EPHB4: variants seen among roughly 807,000 people sequenced by gnomAD.
EPHB4 encodes the protein EPH receptor B4, also known as ephrin type-B receptor 4.
EPHB4 carries 50 observed loss-of-function variants against 110.6 expected under a neutral mutation model. That is an observed-to-expected ratio of 0.45 (90% CI 0.36 to 0.57). EPHB4 has a LOEUF of 0.57. Ranked by LOEUF, EPHB4 falls within the 20% of genes least tolerant of loss-of-function variation. The pLI is 0.00. For missense variants in EPHB4, 1,128 were observed against 1,382.1 expected (o/e 0.82, Z 2.91); for synonymous variants, 592 against 578.4 (o/e 1.02, Z -0.34).
Position 100,823,896 on chromosome 7 carries a change from G to A in EPHB4, c.159C>T (p.His53=). The change falls in exon 3 of 17, where the codon CAC becomes CAT. Residue 53 remains histidine (H), a synonymous_variant. Coordinates refer to ENST00000358173, the MANE Select transcript of EPHB4 (RefSeq NM_004444.5). ...EELSGLDEEQ[H]SVRTYEVCDV... ...CACACACTTCGTAGGTGCGCACGCT[G>A]TGCTGTTCCTCATCCAGGCCGCTCA... The A allele has an allele frequency of 1.9e-6, 3 of 1,603,916 alleles. No homozygotes were observed. The highest frequency in any genetic ancestry group is 2.6e-6 in the Non-Finnish European group (3 of 1,175,352).
chr7:100,813,602 C>T, intron 10 of EPHB4, 50 bp downstream of exon 10: 2 of 1,602,918 alleles, frequency 1.2e-6, no homozygotes, highest in East Asian at 4.5e-5. Flanking sequence ...AGATAGGAGC[C>T]ACCACACCCG....
intron 8 of EPHB4, among the ~76,000 whole-genome samples, chr7:100,816,148 A>G (rs1165230716): frequency 6.6e-6 from 1 of 151,100 alleles, no homozygotes; most frequent in African/African-American, 2.4e-5. Flanking sequence ...CCTGGGCAAC[A>G]GAGTGAGACT....
intron 4 of EPHB4, chr7:100,821,334 A>T (rs1813225633): frequency 6.6e-6 from 1 of 151,834 alleles, no homozygotes; most frequent in Admixed American, 6.6e-5. Flanking sequence ...ATAATTATCT[A>T]AAAAGTTTTT....
chr7:100,807,343 C>G, intron 13 of EPHB4, 22 bp downstream of exon 13: 1 of 1,611,252 alleles, frequency 6.2e-7, no homozygotes, highest in Non-Finnish European at 8.5e-7. Flanking sequence ...AAGCTCACAC[C>G]CAGTATTACC....
At chr7:100,815,713 G>T (rs754416905) in intron 8 of EPHB4, among the ~76,000 whole-genome samples, 3 of 152,002 alleles carry the variant, frequency 2.0e-5, no homozygotes, top group Non-Finnish European at 2.9e-5. Context: ...AATGCTGGGT[G>T]TGGCGGCTCA....
Position 100,827,401 on chromosome 7 carries a change from C to CCGAG in EPHB4, c.-375_-372dup, listed in dbSNP as rs978958008. 11 of 150,590 alleles carry CCGAG rather than the reference C, an allele frequency of 7.3e-5. No homozygotes were observed. The highest frequency in any genetic ancestry group is 5.9e-4 in the Admixed American group (9 of 15,150). 9.3% of individuals were successfully genotyped at this position (150,590 alleles called of 1,614,324 possible). A position where few individuals can be genotyped will look rare whatever the true frequency, so the allele number is the denominator to read the frequency against. On this transcript the variant is annotated 5_prime_UTR_variant, in exon 1 of 17. Transcript: ENST00000358173. ...GAGTGGCTCTGCTCGCGCCGCCGGG[C>CCGAG]CGAGTGCTCTCCTCGCGGGCGGGGA...
chr7:100,810,335 A>G (rs993339091), intron 12 of EPHB4, among the ~76,000 whole-genome samples: 3 of 152,204 alleles, frequency 2.0e-5, no homozygotes, highest in Non-Finnish European at 4.4e-5. Flanking sequence ...AAATGATCCC[A>G]TAAGAAGAAT....
rs1340351853 is a variant in EPHB4, at chr7:100,813,181, G to A, written c.1784C>T (p.Thr595Ile). The change falls in exon 11 of 17, where the codon ACT (threonine) becomes ATT (isoleucine). Residue 595 changes from threonine to isoleucine, a missense_variant. Physicochemically the swap from Thr to Ile is moderately conservative, Grantham distance 89 (BLOSUM62 -1). Around this residue, in one of 3 missense-constraint regions of EPHB4, gnomAD observed 191 missense variants for 313.0 expected, o/e 0.61. Transcript: ENST00000358173. ...HGTKVYIDPFTYEDPNEAVRE... is the reference protein window; with the variant it reads ...HGTKVYIDPFIYEDPNEAVRE... The stretch of plus-strand genomic sequence containing the variant: ...CACAGCCTCATTAGGGTCTTCATAA[G>A]TGAAGGGGTCGATGTAGACCTTAGT... The A allele has an allele frequency of 6.2e-7, 1 of 1,606,396 alleles. No individual in the cohort carries two copies.
In EPHB4 at chr7:100,818,645, CTG is replaced by C; in HGVS notation, c.1298-3_1298-2del. ...CGGATGTCAGACACTGCAGGAGGTA[CTG>C]TGAGAGGCAGAGACACAGGGAACCC... On this transcript the variant is annotated splice_acceptor_variant and splice_polypyrimidine_tract_variant and intron_variant, in intron 6 of 16. Transcript: ENST00000358173. LOFTEE classifies it high-confidence loss of function. 2 of 1,607,708 alleles carry C rather than the reference CTG, an allele frequency of 1.2e-6. No individual in the cohort carries two copies. Among genetic ancestry groups the C allele is most frequent in the Non-Finnish European group, 1.7e-6 (2 of 1,179,374 alleles).
At chr7:100,820,417 G>C (rs1378005112) in intron 4 of EPHB4, 121 bp from the exon 5 acceptor site, 5 of 1,274,700 alleles carry the variant, frequency 3.9e-6, no homozygotes, top group East Asian at 5.2e-5. Context: ...GATCGCTTGA[G>C]CCAAGGGGTT....
At chr7:100,810,993 T>G (rs1286264147) in intron 12 of EPHB4, among the ~76,000 whole-genome samples, 1 of 151,912 alleles carries the variant, frequency 6.6e-6, no homozygotes, top group African/African-American at 2.4e-5. Context: ...CTCATGCCTG[T>G]AATCCCAGCA....
chr7:100,805,311 G>C lies in EPHB4; in HGVS notation c.2689C>G (p.Pro897Ala), dbSNP rs1812793677. 2 of 1,613,842 alleles carry C rather than the reference G, an allele frequency of 1.2e-6. No individual in the cohort carries two copies. The highest frequency in any genetic ancestry group is 3.3e-5 in the Admixed American group (2 of 59,932). ...VARENGGASHPLLDQRQPHYS... is the reference protein window; with the variant it reads ...VARENGGASHALLDQRQPHYS... ...TGAGGCTGCCGCTGGTCCAGGAGAG[G>C]GTGTGAGGCCCTAGGGGGCAAGGAT... The change falls in exon 16 of 17, where the codon CCT becomes GCT. Residue 897 changes from proline (P) to alanine (A), a missense_variant. Physicochemically the swap from Pro to Ala is conservative, Grantham distance 27 (BLOSUM62 -1). Around this residue, in one of 3 missense-constraint regions of EPHB4, gnomAD observed 209 missense variants for 240.5 expected, o/e 0.87. Coordinates refer to ENST00000358173, the MANE Select transcript of EPHB4 (RefSeq NM_004444.5).
intron 1 of EPHB4, among the ~76,000 whole-genome samples, chr7:100,825,781 A>G (rs1209133691): frequency 6.6e-6 from 1 of 152,182 alleles, no homozygotes; most frequent in African/African-American, 2.4e-5. Flanking sequence ...GTGCTTGGAA[A>G]CACTCAGGTA....
intron 7 of EPHB4, 152 bp from the exon 8 acceptor site, chr7:100,817,509 T>C: frequency 1.2e-6 from 1 of 807,844 alleles, no homozygotes; most frequent in East Asian, 3.2e-5. Flanking sequence ...AGCCATGTGC[T>C]GTATTCATAA....
At chr7:100,808,139 T>G (rs959012664) in intron 12 of EPHB4, among the ~76,000 whole-genome samples, 49 of 152,358 alleles carry the variant, frequency 3.2e-4, no homozygotes, top group African/African-American at 1.2e-3. Context: ...GATTATGAGT[T>G]GAAAAATTAT....
chr7:100,820,802 C>A (rs545743565), intron 4 of EPHB4, among the ~76,000 whole-genome samples: 2 of 152,150 alleles, frequency 1.3e-5, no homozygotes, highest in South Asian at 4.2e-4. Flanking sequence ...CTCCTAACAT[C>A]TGTGATACTG....
intron 4 of EPHB4, among the ~76,000 whole-genome samples, chr7:100,820,787 C>T (rs1045036568): frequency 3.3e-5 from 5 of 152,070 alleles, no homozygotes; most frequent in African/African-American, 1.2e-4. Context: ...CATATAGCAG[C>T]AAGTCTCCTA....
chr7:100,813,014 G>A lies in EPHB4; in HGVS notation c.1871-20C>T, dbSNP rs1426092248. ...ACTCACCTTCAAACAAGGACGCAGA[G>A]GTCATCAGCTCTCCCGCTCCAGTGT... On this transcript the variant is annotated intron_variant, in intron 11 of 16. Transcript: ENST00000358173. 5 of 1,612,522 alleles carry A rather than the reference G, an allele frequency of 3.1e-6. No individual in the cohort carries two copies. The highest frequency in any genetic ancestry group is 4.2e-6 in the Non-Finnish European group (5 of 1,179,140).
At position 100,827,144 on chromosome 7, in the gene EPHB4, G is replaced by A. The variant is rs1488499674; in HGVS notation, c.-114C>T. On this transcript the variant is annotated 5_prime_UTR_variant, in exon 1 of 17. Transcript: ENST00000358173. ...ATACTCCGCGCGGGACTCCTCGTCGGGGCCCTCAGCGCGGGCCCATGCGAG... is the reference window on the plus strand; with the variant it reads ...ATACTCCGCGCGGGACTCCTCGTCGAGGCCCTCAGCGCGGGCCCATGCGAG... The A allele has an allele frequency of 4.1e-6, 5 of 1,214,156 alleles. No homozygotes were observed. Among genetic ancestry groups the A allele is most frequent in the South Asian group, 1.5e-5 (1 of 66,624 alleles). The allele number at this position is 1,214,156 out of a possible 1,614,324, so 75.2% of individuals were successfully genotyped here.
Sources: allele counts gnomAD v4.1 joint callset (sites outside exome capture counted in the v4.1 genomes callset), GRCh38; gene constraint gnomAD v4.1.1; regional missense constraint gnomAD v4.1.1; transcripts MANE v1.5; gene names NCBI Gene and HGNC (gene_info 2026-07-23, HGNC 2026-07-21).